SP3: variants seen among roughly 807,000 people sequenced by gnomAD.
SP3 encodes the protein Sp3 transcription factor.
SP3 carries 10 observed loss-of-function variants against 70.3 expected under a neutral mutation model. The observed-to-expected ratio is 0.14, with a 90% CI of 0.09 to 0.24. The LOEUF (loss-of-function observed/expected upper bound fraction) is 0.24. SP3 is among the 10% of genes least tolerant of loss of function. The probability of loss-of-function intolerance (pLI) is 1.00; values close to 1 mark genes in which losing one functional copy is unlikely to be tolerated. For missense variants in SP3, 825 were observed against 914.6 expected, an observed-to-expected ratio of 0.90 and a Z score of 1.26; for synonymous variants, 402 against 333.5, an observed-to-expected ratio of 1.21 and a Z score of -2.24.
rs1689323943 is a variant in SP3 at position 173,906,433 on chromosome 2, A to G, written c.*3508T>C. ...GTTTTGTGCTTATTGTCAGACAACA[A>G]AAGACTTAGTACTCATTCATGGCAG... On this transcript the variant is annotated 3_prime_UTR_variant, in exon 7 of 7. Transcript: ENST00000310015. 1 of 152,254 alleles carries G rather than the reference A, an allele frequency of 6.6e-6. No homozygotes were observed. Among genetic ancestry groups the G allele is most frequent in the Admixed American group, 6.5e-5 (1 of 15,278 alleles). The allele number at this position is 152,254 out of a possible 1,614,324, so 9.4% of individuals were successfully genotyped here.
chr2:173,929,847 A>G lies in SP3; in HGVS notation c.1640-11062T>C, dbSNP rs141838427. On this transcript the variant is annotated intron_variant, in intron 4 of 6. Transcript: ENST00000310015. ...GCAGAGAGCAAGATCATTATGTATC[A>G]AGCAGTTATACTTTATTCAGACTTT... Among the ~76,000 whole-genome samples, 1,033 of 152,310 alleles carry G rather than the reference A, an allele frequency of 6.8e-3. 16 individuals are homozygous for G. The highest frequency in any genetic ancestry group is 0.024 in the African/African-American group (984 of 41,572).
intron 4 of SP3, among the ~76,000 whole-genome samples, chr2:173,949,390 A>C (rs1690645158): frequency 1.3e-5 from 2 of 152,134 alleles, no homozygotes; most frequent in African/African-American, 2.4e-5. Flanking sequence ...CTGAAATAAA[A>C]ATAACCAAAA....
At position 173,901,143 on chromosome 2, in the gene SP3, A is replaced by G. The variant is rs2105444694; in HGVS notation, c.*8798T>C. ...TAAGACAACTGATTATCCATATGGA[A>G]AATAATGGACTTTATGCCATAAACA... On this transcript the variant is annotated 3_prime_UTR_variant, in exon 7 of 7. Coordinates refer to ENST00000310015, the MANE Select transcript of SP3 (RefSeq NM_003111.5). Among the ~76,000 whole-genome samples, 9 of 152,306 alleles carry G rather than the reference A, an allele frequency of 5.9e-5. 1 individual carries two copies. In the South Asian group the frequency reaches 1.9e-3, roughly 32 times the overall value.
chr2:173,958,675 T>G (rs1690969406), intron 3 of SP3, among the ~76,000 whole-genome samples: 1 of 151,460 alleles, frequency 6.6e-6, no homozygotes, highest in African/African-American at 2.4e-5. Context: ...TTAAAAAAAT[T>G]TGCTGAATAC....
chr2:173,961,634 C>A (rs1691081289), intron 3 of SP3, among the ~76,000 whole-genome samples: 1 of 152,126 alleles, frequency 6.6e-6, no homozygotes, highest in Admixed American at 6.5e-5. Flanking sequence ...TTCTGTATTT[C>A]CAACTTTTCT....
chr2:173,924,902 T>C (rs1327103549), intron 4 of SP3, among the ~76,000 whole-genome samples: 3 of 152,226 alleles, frequency 2.0e-5, no homozygotes, highest in African/African-American at 7.2e-5. Flanking sequence ...CTATTTTTTC[T>C]TTGTTTGAGA....
intron 4 of SP3, among the ~76,000 whole-genome samples, chr2:173,941,754 C>T (rs772439089): frequency 1.6e-4 from 24 of 152,136 alleles, no homozygotes; most frequent in African/African-American, 4.8e-4. Context: ...TGGGAATGCC[C>T]TAGGACTCAT....
At chr2:173,965,398 C>T (rs1167023369), upstream of SP3, 5 of 566,882 alleles carry the variant, frequency 8.8e-6, no homozygotes, top group East Asian at 6.3e-5. Context: ...TCCCGCCCCT[C>T]TTCTTGGCTC....
At chr2:173,964,152 C>T in intron 2 of SP3, 5 of 382,776 alleles carry the variant, frequency 1.3e-5, no homozygotes, top group Non-Finnish European at 2.3e-5. Context: ...CCGCCCGGAA[C>T]CCACCCCCGG....
intron 5 of SP3, among the ~76,000 whole-genome samples, chr2:173,918,086 T>A (rs957396398): frequency 6.6e-6 from 1 of 151,982 alleles, no homozygotes; most frequent in African/African-American, 2.4e-5. Flanking sequence ...CATTTTGAGT[T>A]TACTCCAGTC....
At chr2:173,938,329 C>T (rs1381784058) in intron 4 of SP3, among the ~76,000 whole-genome samples, 3 of 151,680 alleles carry the variant, frequency 2.0e-5, no homozygotes, top group African/African-American at 4.8e-5. Context: ...TGGTGGTGGG[C>T]GCCTGTAATC....
chr2:173,965,257 G>A lies in SP3; in HGVS notation c.-86C>T. On this transcript the variant is annotated 5_prime_UTR_variant, in exon 1 of 7. Coordinates refer to ENST00000310015, the MANE Select transcript of SP3 (RefSeq NM_003111.5). ...GGCGGCGGCGGCGGGAGAGGATGCG[G>A]GAAGCGGCGGCGGACACGGCCGGAG... 1 of 1,479,452 alleles carries A rather than the reference G, an allele frequency of 6.8e-7. No homozygotes were observed. The highest frequency in any genetic ancestry group is 9.2e-7 in the Non-Finnish European group (1 of 1,086,314). 91.6% of individuals were successfully genotyped at this position (1,479,452 alleles called of 1,614,324 possible).
rs11448837 is a variant in SP3, at chr2:173,911,813, CTTTTTTTTTT to C, written c.2029+1247_2029+1256del. Among the ~76,000 whole-genome samples, 18 of 98,042 alleles carry C rather than the reference CTTTTTTTTTT, an allele frequency of 1.8e-4. 1 individual carries two copies. The highest frequency in any genetic ancestry group is 6.0e-4 in the African/African-American group (14 of 23,458). The allele number at this position is 98,042 out of a possible 152,430, so 64.3% of individuals were successfully genotyped here. The stretch of plus-strand genomic sequence containing the variant: ...CTGCAACGCAAAATCTTTTATCTAC[CTTTTTTTTTT>C]TTTTTTTTTTTTTGAGACAGGATCT... On this transcript the variant is annotated intron_variant, in intron 6 of 6. Coordinates refer to ENST00000310015, the MANE Select transcript of SP3 (RefSeq NM_003111.5).
rs1422174616 is a variant in SP3, at chr2:173,902,295, G to C, written c.*7646C>G. ...TCAAATCCCAAAACAAAATTTCATT[G>C]TTATTCATTGGAAAAAACATATCTG... is the stretch of plus-strand genomic sequence containing the variant. On this transcript the variant is annotated 3_prime_UTR_variant, in exon 7 of 7. Coordinates refer to ENST00000310015, the MANE Select transcript of SP3 (RefSeq NM_003111.5). Among the ~76,000 whole-genome samples the C allele has an allele frequency of 6.6e-6, 1 of 152,046 alleles. No individual in the cohort carries two copies. The highest frequency in any genetic ancestry group is 2.4e-5 in the African/African-American group (1 of 41,398).
chr2:173,935,471 G>C lies in SP3; in HGVS notation c.1640-16686C>G, dbSNP rs73972415. On this transcript the variant is annotated intron_variant, in intron 4 of 6. Transcript: ENST00000310015. ...TAAACTTTACAATGCCAAATGTCAG[G>C]GGAAAGAGAAATCCTGTTTTCCTGT... Among the ~76,000 whole-genome samples the C allele has an allele frequency of 1.9e-3, 284 of 152,180 alleles. 1 individual carries two copies. Among genetic ancestry groups the C allele is most frequent in the African/African-American group, 6.4e-3 (265 of 41,522 alleles).
chr2:173,915,017 C>T (rs1689586835), intron 5 of SP3: 1 of 152,034 alleles, frequency 6.6e-6, no homozygotes, highest in South Asian at 2.1e-4. Context: ...CTAAGCCTAC[C>T]ACTCAGGTCA....
chr2:173,911,022 A>T (rs1474938115), intron 6 of SP3, among the ~76,000 whole-genome samples: 2 of 152,206 alleles, frequency 1.3e-5, no homozygotes, highest in Non-Finnish European at 2.9e-5. Flanking sequence ...ATCAATCAAT[A>T]AATCTAGTAA....
chr2:173,957,052 T>C (rs1690918698), intron 3 of SP3, among the ~76,000 whole-genome samples: 1 of 152,172 alleles, frequency 6.6e-6, no homozygotes, highest in Non-Finnish European at 1.5e-5. Flanking sequence ...ACATACACAG[T>C]TCTCTCAACA....
At chr2:173,960,922 G>A (rs1691051237) in intron 3 of SP3, among the ~76,000 whole-genome samples, 2 of 152,146 alleles carry the variant, frequency 1.3e-5, no homozygotes, top group South Asian at 4.1e-4. Context: ...CCTGCAGTGA[G>A]CCGAGATCGC....
Sources: gnomAD v4.1 joint callset for allele counts (sites outside exome capture counted in the v4.1 genomes callset) on GRCh38, gnomAD v4.1.1 for gene constraint, MANE v1.5 for transcripts, NCBI Gene and HGNC (gene_info 2026-07-23, HGNC 2026-07-21) for gene names.